SLC25A36: variants seen among roughly 807,000 people sequenced by gnomAD.
SLC25A36 encodes the protein solute carrier family 25 member 36.
A neutral mutation model predicts 35.3 loss-of-function variants in SLC25A36; 24 were observed. The observed-to-expected ratio is 0.68, with a 90% CI of 0.49 to 0.96. The LOEUF (loss-of-function observed/expected upper bound fraction) is 0.96, where lower values mean the gene tolerates loss of function less well. SLC25A36 is among the 40% of genes least tolerant of loss of function. The pLI is 0.00. For missense variants in SLC25A36, 294 were observed against 381.1 expected (o/e 0.77, Z 1.90); for synonymous variants, 141 against 132.2 (o/e 1.07, Z -0.46).
At chr3:140,963,457 C>A (rs1335175254) in intron 4 of SLC25A36, 2 of 367,134 alleles carry the variant, frequency 5.4e-6, no homozygotes, top group African/African-American at 2.2e-5. Flanking sequence ...ATTTATATTG[C>A]CTTGTGTAGT....
intron 2 of SLC25A36, 170 bp downstream of exon 2, chr3:140,956,861 G>T: frequency 9.1e-7 from 1 of 1,097,608 alleles, no homozygotes; most frequent in African/African-American, 1.6e-5. Flanking sequence ...GAGAAGAACA[G>T]TTAGACAGAT....
intron 1 of SLC25A36, among the ~76,000 whole-genome samples, chr3:140,951,693 C>T (rs1387710670): frequency 6.6e-6 from 1 of 151,916 alleles, no homozygotes; most frequent in Admixed American, 6.6e-5. Context: ...TGGTGTTTCA[C>T]CATGTTGGCC....
chr3:140,973,411 G>A (rs1325045482), intron 5 of SLC25A36, among the ~76,000 whole-genome samples: 3 of 152,126 alleles, frequency 2.0e-5, no homozygotes, highest in Non-Finnish European at 4.4e-5. Flanking sequence ...GCTGCAGTCA[G>A]GGTGTATAGT....
chr3:140,969,350 A>G (rs763030907), intron 4 of SLC25A36, among the ~76,000 whole-genome samples: 3 of 151,890 alleles, frequency 2.0e-5, no homozygotes, highest in African/African-American at 4.8e-5. Flanking sequence ...AGCCTGCTCA[A>G]CACTTTAAAT....
chr3:140,949,134 A>G (rs1934248411), intron 1 of SLC25A36, among the ~76,000 whole-genome samples: 1 of 152,218 alleles, frequency 6.6e-6, no homozygotes, highest in South Asian at 2.1e-4. Flanking sequence ...TCAAAAACAA[A>G]AAAACACTAT....
intron 4 of SLC25A36, chr3:140,970,367 G>C (rs1934870116): frequency 6.6e-6 from 1 of 151,968 alleles, no homozygotes. Context: ...CTGTGATACG[G>C]TTATTTTAAC....
chr3:140,943,423 T>C (rs1385104193), intron 1 of SLC25A36, among the ~76,000 whole-genome samples: 2 of 152,232 alleles, frequency 1.3e-5, no homozygotes, highest in Admixed American at 6.5e-5. Context: ...AACAATATTT[T>C]TCTATTGATC....
intron 6 of SLC25A36, among the ~76,000 whole-genome samples, chr3:140,975,108 TTTTTTTTTTTTTTTTTTTTG>T (rs1935007015): frequency 1.0e-5 from 1 of 99,820 alleles, no homozygotes; most frequent in Non-Finnish European, 2.1e-5. Flanking sequence ...TTTTTTTTTT[TTTTTTTTTTTTTTTTTTTTG>T]ATAGGATCTC....
chr3:140,968,548 T>C (rs1354577005), intron 4 of SLC25A36: 2 of 948,630 alleles, frequency 2.1e-6, no homozygotes, highest in Non-Finnish European at 1.3e-6. Context: ...GTTTGCTTTC[T>C]GACATTATAG....
chr3:140,961,221 T>C (rs1011291466), intron 3 of SLC25A36, among the ~76,000 whole-genome samples: 4 of 152,202 alleles, frequency 2.6e-5, no homozygotes, highest in Non-Finnish European at 5.9e-5. Flanking sequence ...ACAGTTCATG[T>C]ATATTCTTCC....
chr3:140,968,866 G>A (rs895697175), intron 4 of SLC25A36: 3 of 247,818 alleles, frequency 1.2e-5, no homozygotes, highest in Non-Finnish European at 1.9e-5. Context: ...TTTTTAAAAA[G>A]TTTGATGTAA....
intron 2 of SLC25A36, among the ~76,000 whole-genome samples, chr3:140,957,967 T>A (rs1221517754): frequency 1.3e-5 from 2 of 152,216 alleles, no homozygotes; most frequent in East Asian, 3.8e-4. Context: ...CCGAAGTTTT[T>A]CAGGCGCTCT....
Position 140,956,523 on chromosome 3 carries a change from T to TG in SLC25A36, c.42-4_42-3insG. The TG allele has an allele frequency of 2.6e-6, 4 of 1,542,282 alleles. No individual in the cohort carries two copies. Among genetic ancestry groups the TG allele is most frequent in the Non-Finnish European group, 3.5e-6 (4 of 1,152,552 alleles). The stretch of plus-strand genomic sequence containing the variant: ...GCTGTGTTCTTTTTTTTTTTTTTTT[T>TG]TAGATGTGGTGGTACAGTGGGAGCT... On this transcript the variant is annotated splice_polypyrimidine_tract_variant and splice_region_variant and intron_variant, in intron 1 of 6. Transcript: ENST00000324194.
At chr3:140,975,221 C>G (rs903196224) in intron 6 of SLC25A36, among the ~76,000 whole-genome samples, 2 of 146,992 alleles carry the variant, frequency 1.4e-5, no homozygotes, top group Admixed American at 1.4e-4. Flanking sequence ...AATCCTCCTG[C>G]CCCAGCCTCC....
intron 1 of SLC25A36, among the ~76,000 whole-genome samples, chr3:140,944,586 G>A (rs544217243): frequency 1.3e-5 from 2 of 152,278 alleles, no homozygotes; most frequent in Admixed American, 6.5e-5. Context: ...ACATTGTCTA[G>A]TTATTGTATC....
rs1462642137 is a variant in SLC25A36 at position 140,979,128 on chromosome 3, A to G, written c.*2675A>G. 6.6e-6 allele frequency: 1 copy of G among 152,162 alleles called. No homozygotes were observed. The highest frequency in any genetic ancestry group is 1.5e-5 in the Non-Finnish European group (1 of 68,008). 9.4% of individuals were successfully genotyped at this position (152,162 alleles called of 1,614,324 possible). ...AAGTTCGTTTGATTCTCATTATGTAACTTTGTAGAACCATCCTTTCTAGAT... is the reference window on the plus strand; with the variant it reads ...AAGTTCGTTTGATTCTCATTATGTAGCTTTGTAGAACCATCCTTTCTAGAT... On this transcript the variant is annotated 3_prime_UTR_variant, in exon 7 of 7. Coordinates refer to ENST00000324194, the MANE Select transcript of SLC25A36 (RefSeq NM_001104647.3).
chr3:140,943,030 AGTTCCCTGATT>A (rs1934061106), intron 1 of SLC25A36, among the ~76,000 whole-genome samples: 1 of 152,224 alleles, frequency 6.6e-6, no homozygotes, highest in Non-Finnish European at 1.5e-5. Flanking sequence ...CTAAAGTCTT[AGTTCCCTGATT>A]GCCAAAATGA....
intron 2 of SLC25A36, among the ~76,000 whole-genome samples, chr3:140,957,883 T>C (rs1165623977): frequency 2.0e-5 from 3 of 152,218 alleles, no homozygotes; most frequent in Admixed American, 1.3e-4. Context: ...ATAATACTTT[T>C]TAATTCTCTT....
intron 5 of SLC25A36, 21 bp from the exon 6 acceptor site, chr3:140,973,695 A>T: frequency 7.0e-7 from 1 of 1,428,584 alleles, no homozygotes; most frequent in Non-Finnish European, 9.2e-7. Context: ...TATCAGTAAG[A>T]TGTTTCTTTT....
Sources: gnomAD v4.1 joint callset for allele counts (sites outside exome capture counted in the v4.1 genomes callset) on GRCh38, gnomAD v4.1.1 for gene constraint, MANE v1.5 for transcripts, NCBI Gene and HGNC (gene_info 2026-07-23, HGNC 2026-07-21) for gene names.